Variants in SLIT3 observed in about 807,000 individuals in gnomAD.
The protein encoded by SLIT3 is slit homolog 3 protein.
In SLIT3, 68 loss-of-function variants were observed where a neutral mutation model predicts 184.0. That is an observed-to-expected ratio of 0.37 (90% CI 0.30 to 0.45). SLIT3 has a LOEUF of 0.45. Ranked by LOEUF, SLIT3 falls within the 20% of genes least tolerant of loss-of-function variation. The pLI is 1.00. For missense variants in SLIT3, 1,707 were observed against 2,026.0 expected (o/e 0.84, Z 3.02); for synonymous variants, 831 against 828.6 (o/e 1.00, Z -0.05).
chr5:168,903,408 G>A (rs1039850215), intron 4 of SLIT3, among the ~76,000 whole-genome samples: 2 of 152,046 alleles, frequency 1.3e-5, no homozygotes, highest in African/African-American at 2.4e-5. Flanking sequence ...ATTTTCTGAT[G>A]AGTTATAAAC....
At chr5:169,039,427 CTG>C (rs1200988384) in intron 4 of SLIT3, among the ~76,000 whole-genome samples, 23 of 151,786 alleles carry the variant, frequency 1.5e-4, no homozygotes, top group African/African-American at 5.6e-4. Flanking sequence ...TGCCATTCTC[CTG>C]CCTCAGCCTC....
intron 4 of SLIT3, among the ~76,000 whole-genome samples, chr5:169,111,606 G>T (rs1158209552): frequency 6.6e-6 from 1 of 152,124 alleles, no homozygotes; most frequent in African/African-American, 2.4e-5. Flanking sequence ...ACAAAAATTA[G>T]CAGGGCATGG....
chr5:168,799,610 G>T (rs1430096064), intron 9 of SLIT3, among the ~76,000 whole-genome samples: 3 of 152,176 alleles, frequency 2.0e-5, no homozygotes, highest in Non-Finnish European at 4.4e-5. Context: ...ATGCCAGGGA[G>T]CCTGGCAGGG....
intron 4 of SLIT3, among the ~76,000 whole-genome samples, chr5:168,986,582 T>G (rs1410421283): frequency 6.6e-6 from 1 of 152,168 alleles, no homozygotes; most frequent in Non-Finnish European, 1.5e-5. Flanking sequence ...TTATCATAAC[T>G]TGCATGACCT....
intron 5 of SLIT3, among the ~76,000 whole-genome samples, chr5:168,873,902 A>G (rs1759632490): frequency 6.6e-6 from 1 of 152,128 alleles, no homozygotes; most frequent in Non-Finnish European, 1.5e-5. Context: ...AACGAATACC[A>G]GAGCCTCAAA....
intron 3 of SLIT3, among the ~76,000 whole-genome samples, 173 bp downstream of exon 3, chr5:169,244,532 T>G (rs542093347): frequency 6.6e-6 from 1 of 152,170 alleles, no homozygotes; most frequent in Admixed American, 6.5e-5. Context: ...GATCTCAGTG[T>G]TTCTTTAACA....
Position 168,951,105 on chromosome 5 carries a change from G to A in SLIT3, c.414-67769C>T, listed in dbSNP as rs537939390. On this transcript the variant is annotated intron_variant, in intron 4 of 35. Transcript: ENST00000519560. The stretch of plus-strand genomic sequence containing the variant: ...CATGGTGACAGCTGCCTGTAATCCC[G>A]GCTACTCAGGAGGATGAGGCAGGAG... Among the ~76,000 whole-genome samples the A allele has an allele frequency of 1.9e-3, 285 of 152,146 alleles. 4 individuals carry two copies. Among genetic ancestry groups the A allele is most frequent in the African/African-American group, 6.6e-3 (272 of 41,518 alleles).
At chr5:168,844,738 C>T in intron 5 of SLIT3, 83 bp from the exon 6 acceptor site, 1 of 1,261,660 alleles carries the variant, frequency 7.9e-7, no homozygotes, top group South Asian at 1.2e-5. Context: ...AGCGCCTGTC[C>T]CTCCACCCCC....
At chr5:168,874,571 G>A (rs1384030072) in intron 5 of SLIT3, among the ~76,000 whole-genome samples, 1 of 152,166 alleles carries the variant, frequency 6.6e-6, no homozygotes, top group Non-Finnish European at 1.5e-5. Flanking sequence ...GGGTGTTTTA[G>A]GAAATATGCA....
intron 4 of SLIT3, among the ~76,000 whole-genome samples, chr5:168,962,019 C>T (rs973833514): frequency 6.6e-6 from 1 of 152,066 alleles, no homozygotes; most frequent in Admixed American, 6.6e-5. Flanking sequence ...TTGGCTCCTC[C>T]ACGGTACAGA....
intron 4 of SLIT3, among the ~76,000 whole-genome samples, chr5:169,152,199 C>T (rs1762137918): frequency 6.6e-6 from 1 of 152,168 alleles, no homozygotes; most frequent in Non-Finnish European, 1.5e-5. Context: ...TCTGTAACTT[C>T]CAGGAAAACC....
chr5:168,780,419 T>C (rs1220793508), intron 12 of SLIT3, among the ~76,000 whole-genome samples: 2 of 152,256 alleles, frequency 1.3e-5, no homozygotes, highest in Non-Finnish European at 2.9e-5. Context: ...ATGGGGAGTC[T>C]GTTTCTGTTT....
rs372134778 is a variant in SLIT3 at position 168,952,528 on chromosome 5, C to CAAAAAAAAAAAAAAAAAA, written c.414-69210_414-69193dup. ...AATCTCAGAGAAGAAGGGAAAATGC[C>CAAAAAAAAAAAAAAAAAA]AAAAAAAAAAAAAAAAAAAAGAGGG... On this transcript the variant is annotated intron_variant, in intron 4 of 35. Transcript: ENST00000519560. 2.3e-3 allele frequency among the ~76,000 whole-genome samples: 176 copies of CAAAAAAAAAAAAAAAAAA among 77,884 alleles called. 2 individuals are homozygous for CAAAAAAAAAAAAAAAAAA. Among genetic ancestry groups the CAAAAAAAAAAAAAAAAAA allele is most frequent in the African/African-American group, 9.6e-3 (164 of 17,010 alleles). 51.1% of individuals were successfully genotyped at this position (77,884 alleles called of 152,430 possible).
intron 4 of SLIT3, among the ~76,000 whole-genome samples, chr5:168,912,069 T>C (rs1333753576): frequency 1.3e-5 from 2 of 152,204 alleles, no homozygotes; most frequent in Non-Finnish European, 2.9e-5. Context: ...CCTCCTCTTC[T>C]TCCTCCTGCT....
At chr5:168,872,430 A>T (rs1759558032) in intron 5 of SLIT3, among the ~76,000 whole-genome samples, 1 of 152,176 alleles carries the variant, frequency 6.6e-6, no homozygotes, top group Non-Finnish European at 1.5e-5. Flanking sequence ...TTGGCTCAGC[A>T]GTGGTAACAA....
Position 168,666,296 on chromosome 5 carries a change from T to C in SLIT3, c.*158A>G, listed in dbSNP as rs761150794. ...CACTTTCCATAATAAAAATAAGTTC[T>C]ATTTTTTGTTTATTTTACAATATAC... On this transcript the variant is annotated 3_prime_UTR_variant, in exon 36 of 36. Coordinates refer to ENST00000519560, the MANE Select transcript of SLIT3 (RefSeq NM_003062.4). 1 of 621,734 alleles carries C rather than the reference T, an allele frequency of 1.6e-6. No individual in the cohort carries two copies. Among genetic ancestry groups the C allele is most frequent in the Non-Finnish European group, 2.5e-6 (1 of 400,790 alleles). 38.5% of individuals were successfully genotyped at this position (621,734 alleles called of 1,614,324 possible). A position where few individuals can be genotyped will look rare whatever the true frequency, so the allele number is the denominator to read the frequency against.
At chr5:169,220,272 A>T (rs189154034) in intron 3 of SLIT3, among the ~76,000 whole-genome samples, 1 of 152,060 alleles carries the variant, frequency 6.6e-6, no homozygotes, top group Non-Finnish European at 1.5e-5. Context: ...TCACTTGCAA[A>T]CAGGCCCTCT....
At chr5:169,182,737 GGTT>G (rs1445450315) in intron 4 of SLIT3, among the ~76,000 whole-genome samples, 1 of 152,290 alleles carries the variant, frequency 6.6e-6, no homozygotes, top group East Asian at 1.9e-4. Context: ...CACCTCAAAA[GGTT>G]GTTATTTTTC....
chr5:168,681,276 C>T (rs902607506), intron 32 of SLIT3, among the ~76,000 whole-genome samples: 3 of 152,214 alleles, frequency 2.0e-5, no homozygotes, highest in Non-Finnish European at 4.4e-5. Flanking sequence ...GTGTGTCTTC[C>T]TCCCTGGACT....
Sources: allele counts gnomAD v4.1 joint callset (sites outside exome capture counted in the v4.1 genomes callset), GRCh38; gene constraint gnomAD v4.1.1; transcripts MANE v1.5; gene names NCBI Gene and HGNC (gene_info 2026-07-23, HGNC 2026-07-21).